Variants in KDM1A observed in about 807,000 individuals in gnomAD.
KDM1A encodes lysine-specific histone demethylase 1A.
Under a neutral mutation model 109.4 loss-of-function variants are expected in KDM1A, and 49 were observed. That is an observed-to-expected ratio of 0.45 (90% confidence interval 0.36 to 0.57). The LOEUF is 0.57. Among genes scored for constraint, KDM1A ranks in the 20% least tolerant of loss-of-function variants. KDM1A has a pLI of 0.00. For synonymous variants in KDM1A, 380 were observed against 415.4 expected (o/e 0.91, Z 1.04); for missense variants, 668 against 1,116.6 (o/e 0.60, Z 5.73).
At position 23,019,871 on chromosome 1, in the gene KDM1A, G is replaced by C. The variant is rs1641561237; in HGVS notation, c.275G>C (p.Gly92Ala). Residue 92 changes from glycine to alanine, a missense_variant, in exon 1 of 21, where the codon GGG becomes GCG. Physicochemically the swap from Gly to Ala is moderately conservative, Grantham distance 60 (BLOSUM62 0). Coordinates refer to ENST00000400181, the MANE Select transcript of KDM1A (RefSeq NM_001009999.3). ...CAGGCCGGCCCTACTGTCGTGCCTG[G>C]GTCTGCGACCCCCATGGAAACTGGA... ...GPQAGPTVVP[G>A]SATPMETGIA... 3 of 1,551,806 alleles carry C rather than the reference G, an allele frequency of 1.9e-6. No individual in the cohort carries two copies. The highest frequency in any genetic ancestry group is 2.8e-5 in the African/African-American group (2 of 70,322).
chr1:23,041,380 G>A (rs564247527), intron 2 of KDM1A, among the ~76,000 whole-genome samples: 2 of 145,236 alleles, frequency 1.4e-5, no homozygotes, highest in Admixed American at 6.9e-5. Flanking sequence ...GGTACCTTCT[G>A]CTTGGTTTCT....
At position 23,077,216 on chromosome 1, in the gene KDM1A, TCTC is replaced by T. The variant is rs1271397986; in HGVS notation, c.1735-8_1735-6del. The T allele has an allele frequency of 3.1e-6, 5 of 1,610,594 alleles. 1 individual carries two copies. Among genetic ancestry groups the T allele is most frequent in the Non-Finnish European group, 8.5e-7 (1 of 1,177,940 alleles). On this transcript the variant is annotated splice_polypyrimidine_tract_variant and intron_variant, in intron 15 of 20. Transcript: ENST00000400181. ...AAAAGGTTGGAAATATGTTCTTTTC[TCTC>T]CTCTTTAGGATGATGACTTTGAGTT...
At chr1:23,062,020 T>C (rs960100600) in intron 9 of KDM1A, among the ~76,000 whole-genome samples, 4 of 152,204 alleles carry the variant, frequency 2.6e-5, no homozygotes, top group African/African-American at 9.6e-5. Flanking sequence ...TTTATGCTTA[T>C]AATTACAAAT....
At chr1:23,032,730 T>C (rs1022709885) in intron 2 of KDM1A, among the ~76,000 whole-genome samples, 1 of 152,184 alleles carries the variant, frequency 6.6e-6, no homozygotes, top group Non-Finnish European at 1.5e-5. Flanking sequence ...AGTTTAGCAA[T>C]AGATTGGACC....
In KDM1A at chr1:23,077,443, A is replaced by C. The variant is rs28675208; in HGVS notation, c.1867+83A>C. 8.4e-3 allele frequency: 11,550 copies of C among 1,374,894 alleles called. 764 individuals are homozygous for C. The African/African-American group carries it at 0.14, about 17-fold the overall frequency. The allele number at this position is 1,374,894 out of a possible 1,614,324, so 85.2% of individuals were successfully genotyped here. On this transcript the variant is annotated intron_variant, in intron 16 of 20. Transcript: ENST00000400181. ...TTGTTAGGTGCGACCTATCAGGTAC[A>C]TTTCCTGATAGAGTGTTTATGACAC...
rs1383401225 is a variant in KDM1A, at chr1:23,068,581, C to T, written c.1222C>T (p.Arg408Trp). Residue 408 changes from arginine to tryptophan, a missense_variant, in exon 11 of 21, where the codon CGG becomes TGG. Transcript: ENST00000400181. ...KDEMVEQEFN[R>W]LLEATSYLSH... Reference sequence around the variant, plus strand: ...TGAAATGGTAGAGCAAGAGTTTAACCGGTTGCTAGAAGCTACATCTTACCT... The same window carrying T: ...TGAAATGGTAGAGCAAGAGTTTAACTGGTTGCTAGAAGCTACATCTTACCT... 4 of 1,604,676 alleles carry T rather than the reference C, an allele frequency of 2.5e-6. No homozygotes were observed. The highest frequency in any genetic ancestry group is 3.4e-6 in the Non-Finnish European group (4 of 1,177,702).
intron 2 of KDM1A, among the ~76,000 whole-genome samples, chr1:23,040,932 T>C (rs1642303974): frequency 1.3e-5 from 2 of 152,236 alleles, no homozygotes; most frequent in South Asian, 4.1e-4. Context: ...TGCTTTTGAA[T>C]ATTTTCATTT....
At chr1:23,080,026 T>C (rs1643572664) in intron 18 of KDM1A, among the ~76,000 whole-genome samples, 1 of 152,212 alleles carries the variant, frequency 6.6e-6, no homozygotes, top group Non-Finnish European at 1.5e-5. Flanking sequence ...ATTCTTTGAT[T>C]ACTTCTCTTA....
chr1:23,055,044 T>C, intron 5 of KDM1A, 25 bp from the exon 6 acceptor site: 6 of 1,427,692 alleles, frequency 4.2e-6, no homozygotes, highest in Non-Finnish European at 5.9e-6. Context: ...AATAAAACCG[T>C]GTTTTTAATC....
At chr1:23,056,843 T>C (rs1478698468) in intron 7 of KDM1A, among the ~76,000 whole-genome samples, 2 of 151,390 alleles carry the variant, frequency 1.3e-5, no homozygotes, top group Non-Finnish European at 2.9e-5. Flanking sequence ...AGAGTACTCT[T>C]ACATTATTTA....
At chr1:23,026,391 TTTG>T (rs367561397) in intron 1 of KDM1A, among the ~76,000 whole-genome samples, 40 of 52,282 alleles carry the variant, frequency 7.7e-4, no homozygotes, top group African/African-American at 2.9e-3. Context: ...TGTTTGTCTG[TTTG>T]TTTTTTTTTT....
At chr1:23,055,026 C>A in intron 5 of KDM1A, 43 bp from the exon 6 acceptor site, 1 of 1,246,634 alleles carries the variant, frequency 8.0e-7, no homozygotes, top group Non-Finnish European at 1.2e-6. Flanking sequence ...ATTGTTTAAA[C>A]TGCTGAAAAT....
Position 23,042,452 on chromosome 1 carries a change from T to TTTA in KDM1A, c.518-1973_518-1972insATT, listed in dbSNP as rs1642371625. ...TATGAAATATATTATTTTTTTTTTTTTTTTTTTTTTTTTTTTTTGAGACGG... is the reference window on the plus strand; with the variant it reads ...TATGAAATATATTATTTTTTTTTTTTTTATTTTTTTTTTTTTTTTTTGAGACGG... On this transcript the variant is annotated intron_variant, in intron 2 of 20. Coordinates refer to ENST00000400181, the MANE Select transcript of KDM1A (RefSeq NM_001009999.3). Among the ~76,000 whole-genome samples the TTTA allele has an allele frequency of 1.8e-4, 13 of 72,306 alleles. 1 individual carries two copies. Among genetic ancestry groups the TTTA allele is most frequent in the Non-Finnish European group, 3.6e-4 (13 of 36,358 alleles). The allele number at this position is 72,306 out of a possible 152,430, so 47.4% of individuals were successfully genotyped here.
chr1:23,048,020 G>A (rs1158356682), intron 3 of KDM1A, among the ~76,000 whole-genome samples: 1 of 152,114 alleles, frequency 6.6e-6, no homozygotes, highest in Non-Finnish European at 1.5e-5. Flanking sequence ...AGAATGTTCA[G>A]TGACTACTTA....
At position 23,083,193 on chromosome 1, in the gene KDM1A, C is replaced by T. The variant is rs772293709; in HGVS notation, c.2460C>T (p.Leu820=). Residue 820 remains leucine (L), a synonymous_variant, in exon 21 of 21, where the codon CTC becomes CTT. Transcript: ENST00000400181. The part of the protein sequence containing the change: ...IPGAPQPIPR[L]FFAGEHTIRN... ...CCCTAAAATAGCCGATTCCACGACT[C>T]TTCTTTGCGGGAGAACATACGATCC... 2 of 1,610,544 alleles carry T rather than the reference C, an allele frequency of 1.2e-6. No homozygotes were observed. Among genetic ancestry groups the T allele is most frequent in the Non-Finnish European group, 1.7e-6 (2 of 1,177,158 alleles).
At chr1:23,071,939 A>G (rs1275589463) in intron 13 of KDM1A, among the ~76,000 whole-genome samples, 185 bp from the exon 14 acceptor site, 1 of 151,964 alleles carries the variant, frequency 6.6e-6, no homozygotes, top group Non-Finnish European at 1.5e-5. Context: ...CAGGCCCCCA[A>G]CTGTAACTTG....
chr1:23,030,789 A>G (rs6682560), intron 2 of KDM1A, among the ~76,000 whole-genome samples, 155 bp downstream of exon 2: 4 of 152,188 alleles, frequency 2.6e-5, no homozygotes, highest in South Asian at 2.1e-4. Context: ...GTGTGTGTGT[A>G]TACATATACA....
intron 3 of KDM1A, among the ~76,000 whole-genome samples, chr1:23,045,171 T>C (rs1050171888): frequency 6.6e-6 from 1 of 152,236 alleles, no homozygotes; most frequent in African/African-American, 2.4e-5. Flanking sequence ...AAATAACGTA[T>C]CTGGATTTCA....
In KDM1A at chr1:23,048,588, C is replaced by G. The variant is rs554744936; in HGVS notation, c.578-1799C>G. Among the ~76,000 whole-genome samples the G allele has an allele frequency of 9.2e-5, 14 of 152,130 alleles. No homozygotes were observed. The South Asian group carries it at 2.5e-3, about 27-fold the overall frequency. On this transcript the variant is annotated intron_variant, in intron 3 of 20. Coordinates refer to ENST00000400181, the MANE Select transcript of KDM1A (RefSeq NM_001009999.3). ...GATGGATAGTTTTTTCTCCTGGTCT[C>G]TAAGAATAGTATTTCTTAATGTGTG... is the stretch of plus-strand genomic sequence containing the variant.
Sources: allele counts gnomAD v4.1 joint callset (sites outside exome capture counted in the v4.1 genomes callset), GRCh38; gene constraint gnomAD v4.1.1; transcripts MANE v1.5; gene names NCBI Gene and HGNC (gene_info 2026-07-23, HGNC 2026-07-21).